GPC5: variants seen among roughly 807,000 people sequenced by gnomAD.
GPC5 encodes the protein glypican-5.
GPC5 carries 47 observed loss-of-function variants against 53.9 expected under a neutral mutation model. That is an observed-to-expected ratio of 0.87 (90% CI 0.69 to 1.11). The LOEUF (loss-of-function observed/expected upper bound fraction) is 1.11. GPC5 is among the 50% of genes most tolerant of loss of function. The pLI, the probability that GPC5 is intolerant of heterozygous loss-of-function variation, is 0.00. For synonymous variants in GPC5, 286 were observed against 263.3 expected (o/e 1.09, Z -0.84); for missense variants, 748 against 713.1 (o/e 1.05, Z -0.56).
intron 7 of GPC5, among the ~76,000 whole-genome samples, chr13:92,295,390 A>G (rs7333759): frequency 0.034 from 5,151 of 152,238 alleles, 278 homozygotes; most frequent in African/African-American, 0.12. Flanking sequence ...AGTGCTTGAT[A>G]TAATTTCAAT....
chr13:92,865,010 CTA>C (rs1879296800), intron 7 of GPC5, among the ~76,000 whole-genome samples: 1 of 152,036 alleles, frequency 6.6e-6, no homozygotes, highest in Non-Finnish European at 1.5e-5. Context: ...TAGTGGCATG[CTA>C]TGAGATAATT....
At chr13:92,129,561 C>T (rs963450999) in intron 6 of GPC5, among the ~76,000 whole-genome samples, 5 of 152,024 alleles carry the variant, frequency 3.3e-5, no homozygotes, top group South Asian at 2.1e-4. Context: ...CAGAATTAAG[C>T]GGACAAATTT....
chr13:92,319,115 G>T (rs187050808), intron 7 of GPC5, among the ~76,000 whole-genome samples: 95 of 152,156 alleles, frequency 6.2e-4, no homozygotes, highest in African/African-American at 2.1e-3. Flanking sequence ...GAGTGTCTCA[G>T]CCAGGGCAGC....
At chr13:92,262,662 T>C (rs1274144554) in intron 7 of GPC5, among the ~76,000 whole-genome samples, 1 of 152,186 alleles carries the variant, frequency 6.6e-6, no homozygotes, top group African/African-American at 2.4e-5. Context: ...TTCAGACAAT[T>C]GCATCATAGT....
chr13:91,977,642 C>G (rs1469385745), intron 6 of GPC5, among the ~76,000 whole-genome samples: 1 of 152,084 alleles, frequency 6.6e-6, no homozygotes. Flanking sequence ...CCTTTTCTTC[C>G]TAAAATCAGA....
At chr13:92,805,368 C>T (rs1388735021) in intron 7 of GPC5, among the ~76,000 whole-genome samples, 2 of 151,970 alleles carry the variant, frequency 1.3e-5, no homozygotes, top group Admixed American at 1.3e-4. Context: ...CATTAATCTC[C>T]TTGTACATCT....
chr13:91,845,418 A>G (rs969634740), intron 5 of GPC5, among the ~76,000 whole-genome samples: 1 of 152,188 alleles, frequency 6.6e-6, no homozygotes, highest in Non-Finnish European at 1.5e-5. Flanking sequence ...TCCATTGTGA[A>G]ATGACTACCA....
rs772883900 is a variant in GPC5 at position 92,065,607 on chromosome 13, C to T, written c.1402-79223C>T. Among the ~76,000 whole-genome samples, 8 of 152,010 alleles carry T rather than the reference C, an allele frequency of 5.3e-5. No individual in the cohort carries two copies. In the East Asian group the frequency reaches 9.6e-4, roughly 18 times the overall value. ...CATTCTGTGTCTCCTAGTTTTAGAT[C>T]GAACGGATGTTTTGACTCCTAAAAG... On this transcript the variant is annotated intron_variant, in intron 6 of 7. Coordinates refer to ENST00000377067, the MANE Select transcript of GPC5 (RefSeq NM_004466.6).
intron 7 of GPC5, among the ~76,000 whole-genome samples, chr13:92,618,266 A>G (rs1250164950): frequency 6.6e-6 from 1 of 152,112 alleles, no homozygotes; most frequent in Non-Finnish European, 1.5e-5. Flanking sequence ...ACGTAGTATT[A>G]TTTTCCTACA....
In GPC5 at chr13:91,907,999, T is replaced by G. The variant is rs567674940; in HGVS notation, c.1343T>G (p.Val448Gly). ...CAGTCTGGAAATCCTGAAGTCAAAG[T>G]CAAAGGAATTGATCCTGTGATAAAT... ...KAQSGNPEVK[V>G]KGIDPVINQI... Residue 448 changes from valine (V) to glycine (G), a missense_variant, in exon 6 of 8, where the codon GTC (valine) becomes GGC (glycine). Transcript: ENST00000377067. 9.4e-6 allele frequency: 15 copies of G among 1,594,914 alleles called. No individual in the cohort carries two copies. Among genetic ancestry groups the G allele is most frequent in the Non-Finnish European group, 1.2e-5 (14 of 1,177,884 alleles).
chr13:91,841,066 G>A (rs1425687060), intron 5 of GPC5, among the ~76,000 whole-genome samples: 1 of 151,450 alleles, frequency 6.6e-6, no homozygotes. Context: ...TTTTCAAAGA[G>A]CGTGAAAGCT....
At chr13:91,503,816 T>TAATA (rs1555316249) in intron 2 of GPC5, among the ~76,000 whole-genome samples, 1 of 147,798 alleles carries the variant, frequency 6.8e-6, no homozygotes, top group Non-Finnish European at 1.5e-5. Context: ...ATAATAATAA[T>TAATA]AATCAGGCTG....
At chr13:92,027,356 T>C (rs2040808917) in intron 6 of GPC5, among the ~76,000 whole-genome samples, 1 of 152,158 alleles carries the variant, frequency 6.6e-6, no homozygotes, top group African/African-American at 2.4e-5. Context: ...TTAAGCAAAG[T>C]GATGTAAAAC....
intron 2 of GPC5, among the ~76,000 whole-genome samples, chr13:91,638,880 AAGCT>A (rs2034350599): frequency 1.3e-5 from 2 of 152,232 alleles, no homozygotes; most frequent in South Asian, 4.1e-4. Context: ...TCTGTATGTT[AAGCT>A]GAGATTCAGC....
At chr13:92,664,268 A>G (rs1886494625) in intron 7 of GPC5, among the ~76,000 whole-genome samples, 1 of 151,970 alleles carries the variant, frequency 6.6e-6, no homozygotes, top group Non-Finnish European at 1.5e-5. Flanking sequence ...GATATTAGAA[A>G]AGAAATTGGT....
intron 7 of GPC5, among the ~76,000 whole-genome samples, chr13:92,423,870 C>T (rs895592979): frequency 2.2e-4 from 34 of 152,236 alleles, no homozygotes; most frequent in African/African-American, 6.3e-4. Flanking sequence ...ATGCATACTA[C>T]GCAGACTCAG....
intron 7 of GPC5, among the ~76,000 whole-genome samples, chr13:92,485,786 G>T (rs2139438641): frequency 6.6e-6 from 1 of 152,238 alleles, no homozygotes; most frequent in African/African-American, 2.4e-5. Context: ...GACCAGCCTG[G>T]CTAACATGGT....
intron 2 of GPC5, among the ~76,000 whole-genome samples, chr13:91,653,044 C>G (rs73609979): frequency 0.072 from 11,034 of 152,210 alleles, 1,116 homozygotes; most frequent in African/African-American, 0.23. Flanking sequence ...AATTTCTACT[C>G]GTTGTCTTGC....
chr13:91,465,899 G>A (rs969100174), intron 2 of GPC5, among the ~76,000 whole-genome samples: 1 of 152,070 alleles, frequency 6.6e-6, no homozygotes, highest in African/African-American at 2.4e-5. Flanking sequence ...AAAAATAACA[G>A]CTTCATCTAA....
Sources: gnomAD v4.1 joint callset for allele counts (sites outside exome capture counted in the v4.1 genomes callset) on GRCh38, gnomAD v4.1.1 for gene constraint, MANE v1.5 for transcripts, NCBI Gene and HGNC (gene_info 2026-07-23, HGNC 2026-07-21) for gene names.